The following DSCAM variants were observed in gnomAD, a reference collection of about 807,000 sequenced individuals.
DSCAM encodes the protein cell adhesion molecule DSCAM.
DSCAM carries 47 observed loss-of-function variants against 217.7 expected under a neutral mutation model. The observed-to-expected ratio is 0.22, with a 90% CI of 0.17 to 0.28. DSCAM has a LOEUF of 0.28. DSCAM is among the 10% of genes least tolerant of loss of function. The pLI is 1.00. For synonymous variants in DSCAM, 1,056 were observed against 1,015.3 expected (o/e 1.04, Z -0.76); for missense variants, 2,080 against 2,618.3 (o/e 0.79, Z 4.49).
chr21:40,033,024 A>T (rs2088557609), intron 32 of DSCAM, among the ~76,000 whole-genome samples: 1 of 152,198 alleles, frequency 6.6e-6, no homozygotes, highest in African/African-American at 2.4e-5. Context: ...GGCCCCCAGA[A>T]ATGCATTTCA....
intron 1 of DSCAM, among the ~76,000 whole-genome samples, chr21:40,762,789 G>A (rs1284334346): frequency 6.6e-6 from 1 of 152,140 alleles, no homozygotes; most frequent in Non-Finnish European, 1.5e-5. Flanking sequence ...TCATCCCTGG[G>A]ATGCAAGGCA....
Position 40,346,756 on chromosome 21 carries a change from T to G in DSCAM, c.1210+914A>C, listed in dbSNP as rs147312888. 6.0e-4 allele frequency among the ~76,000 whole-genome samples: 91 copies of G among 152,314 alleles called. 1 individual carries two copies. In the East Asian group the frequency reaches 0.015, roughly 25 times the overall value. ...TCCTCACAAATTTCATTTACTTAAA[T>G]CTGAGAACATTTGGATGGAACTAGG... On this transcript the variant is annotated intron_variant, in intron 6 of 32. Transcript: ENST00000400454.
At chr21:40,014,148 C>T (rs1034329482) in intron 32 of DSCAM, among the ~76,000 whole-genome samples, 9 of 152,170 alleles carry the variant, frequency 5.9e-5, no homozygotes, top group Non-Finnish European at 1.0e-4. Context: ...CCTAGAACTT[C>T]GGGAGGCCGA....
intron 1 of DSCAM, among the ~76,000 whole-genome samples, chr21:40,790,326 T>G (rs555601152): frequency 6.6e-6 from 1 of 151,986 alleles, no homozygotes; most frequent in East Asian, 1.9e-4. Flanking sequence ...GGATTACAGG[T>G]GTGCTCCGTC....
intron 3 of DSCAM, among the ~76,000 whole-genome samples, chr21:40,377,807 G>A (rs577381789): frequency 6.6e-6 from 1 of 152,154 alleles, no homozygotes; most frequent in South Asian, 2.1e-4. Context: ...GAAAGCCAGG[G>A]GAGGAGAGGA....
intron 3 of DSCAM, among the ~76,000 whole-genome samples, chr21:40,633,385 G>A (rs1182790445): frequency 7.2e-5 from 11 of 152,164 alleles, no homozygotes; most frequent in Non-Finnish European, 1.3e-4. Flanking sequence ...CAAGAGCAGG[G>A]ACCCACAGCT....
intron 3 of DSCAM, among the ~76,000 whole-genome samples, chr21:40,538,600 A>C (rs2076518319): frequency 6.6e-6 from 1 of 152,182 alleles, no homozygotes; most frequent in Non-Finnish European, 1.5e-5. Flanking sequence ...TGTGTTTGCC[A>C]TACAATGAAT....
intron 3 of DSCAM, among the ~76,000 whole-genome samples, chr21:40,500,596 C>G (rs903766917): frequency 1.3e-5 from 2 of 152,192 alleles, no homozygotes; most frequent in African/African-American, 4.8e-5. Flanking sequence ...CATATTAAAG[C>G]TCCAGAAGGG....
At chr21:40,207,395 C>G (rs2091137362) in intron 11 of DSCAM, among the ~76,000 whole-genome samples, 1 of 152,118 alleles carries the variant, frequency 6.6e-6, no homozygotes, top group African/African-American at 2.4e-5. Flanking sequence ...ATGGAAATGT[C>G]TGATGGTACA....
intron 2 of DSCAM, among the ~76,000 whole-genome samples, chr21:40,694,992 G>A (rs2090580895): frequency 6.6e-6 from 1 of 152,150 alleles, no homozygotes; most frequent in South Asian, 2.1e-4. Flanking sequence ...AACAGAGAGA[G>A]TCTACCGTCA....
At chr21:40,555,543 A>G (rs955227784) in intron 3 of DSCAM, among the ~76,000 whole-genome samples, 1 of 152,266 alleles carries the variant, frequency 6.6e-6, no homozygotes, top group African/African-American at 2.4e-5. Context: ...ATTTAATTAT[A>G]GAAAATGACA....
chr21:40,264,572 C>T (rs952996929), intron 11 of DSCAM, among the ~76,000 whole-genome samples: 4 of 152,070 alleles, frequency 2.6e-5, no homozygotes, highest in African/African-American at 9.7e-5. Context: ...TAAGAAAAGC[C>T]ATATATAACA....
At chr21:40,310,231 C>G (rs2074123069) in intron 9 of DSCAM, among the ~76,000 whole-genome samples, 2 of 152,172 alleles carry the variant, frequency 1.3e-5, no homozygotes, top group Admixed American at 1.3e-4. Flanking sequence ...CCCCAGAGAT[C>G]TGGAAGATGG....
At chr21:40,469,786 G>A (rs776353826) in intron 3 of DSCAM, among the ~76,000 whole-genome samples, 4 of 152,054 alleles carry the variant, frequency 2.6e-5, no homozygotes, top group East Asian at 1.9e-4. Context: ...GGAGGAAAAC[G>A]GGGAATGCAT....
intron 3 of DSCAM, among the ~76,000 whole-genome samples, chr21:40,669,047 T>C (rs901918291): frequency 6.6e-6 from 1 of 152,172 alleles, no homozygotes; most frequent in African/African-American, 2.4e-5. Context: ...CTCTTATTCA[T>C]AGCTATATTC....
intron 21 of DSCAM, among the ~76,000 whole-genome samples, chr21:40,088,246 G>A (rs144005930): frequency 9.1e-4 from 138 of 152,238 alleles, no homozygotes; most frequent in African/African-American, 2.8e-3. Context: ...AACCATAGGT[G>A]GAAGGCAGCC....
intron 11 of DSCAM, among the ~76,000 whole-genome samples, chr21:40,273,371 G>A (rs1056806823): frequency 6.6e-6 from 1 of 152,154 alleles, no homozygotes; most frequent in African/African-American, 2.4e-5. Flanking sequence ...TGACTAGCTT[G>A]TATTAGTTTA....
chr21:40,312,615 T>C (rs1451849357), intron 8 of DSCAM, among the ~76,000 whole-genome samples: 1 of 152,242 alleles, frequency 6.6e-6, no homozygotes, highest in Non-Finnish European at 1.5e-5. Flanking sequence ...TATTTTTGAA[T>C]GAAAACATTT....
In DSCAM at chr21:40,461,172, C is replaced by T. The variant is rs1048887771; in HGVS notation, c.509-91927G>A. On this transcript the variant is annotated intron_variant, in intron 3 of 32. Coordinates refer to ENST00000400454, the MANE Select transcript of DSCAM (RefSeq NM_001389.5). Reference sequence around the variant, plus strand: ...TATTCACATAGGCATAATACTTTACCACTTCTGCAAATAAATTATATATTT... The same window carrying T: ...TATTCACATAGGCATAATACTTTACTACTTCTGCAAATAAATTATATATTT... 1.3e-4 allele frequency among the ~76,000 whole-genome samples: 20 copies of T among 152,048 alleles called. No individual in the cohort carries two copies. The East Asian group carries it at 3.9e-3, about 29-fold the overall frequency.
Sources: gnomAD v4.1 joint callset for allele counts (sites outside exome capture counted in the v4.1 genomes callset) on GRCh38, gnomAD v4.1.1 for gene constraint, MANE v1.5 for transcripts, NCBI Gene and HGNC (gene_info 2026-07-23, HGNC 2026-07-21) for gene names.